The following IQCK variants were observed in gnomAD, a reference collection of about 807,000 sequenced individuals.
The protein encoded by IQCK is IQ motif containing K, also known as IQ domain-containing protein K.
In IQCK, 29 loss-of-function variants were observed where a neutral mutation model predicts 28.1. The observed-to-expected ratio is 1.03, with a 90% CI of 0.77 to 1.41. The LOEUF (loss-of-function observed/expected upper bound fraction) is 1.41, where lower values mean the gene tolerates loss of function less well. IQCK is among the 40% of genes most tolerant of loss of function. IQCK has a pLI of 0.00. For synonymous variants in IQCK, 113 were observed against 115.1 expected (o/e 0.98, Z 0.12); for missense variants, 359 against 314.7 (o/e 1.14, Z -1.07).
At chr16:19,826,865 G>T (rs2056156132) in intron 7 of IQCK, among the ~76,000 whole-genome samples, 161 bp from the exon 8 acceptor site, 1 of 152,136 alleles carries the variant, frequency 6.6e-6, no homozygotes, top group South Asian at 2.1e-4. Flanking sequence ...GCTCAAATAT[G>T]ATGTAAGCTC....
chr16:19,727,680 C>G (rs7206184), intron 1 of IQCK, among the ~76,000 whole-genome samples: 24,659 of 151,470 alleles, frequency 0.16, 2,154 homozygotes, highest in South Asian at 0.27. Context: ...CTTTTACACT[C>G]TACATAAGAC....
intron 6 of IQCK, among the ~76,000 whole-genome samples, chr16:19,772,035 G>C (rs1048036850): frequency 1.3e-5 from 2 of 152,154 alleles, no homozygotes; most frequent in Non-Finnish European, 2.9e-5. Flanking sequence ...CTCTGGAAAG[G>C]GGGTGGAGAA....
rs551388781 is a variant in IQCK at position 19,760,577 on chromosome 16, T to C, written c.475-3271T>C. Among the ~76,000 whole-genome samples, 5 of 152,348 alleles carry C rather than the reference T, an allele frequency of 3.3e-5. No homozygotes were observed. In the South Asian group the frequency reaches 8.3e-4, roughly 25 times the overall value. On this transcript the variant is annotated intron_variant, in intron 4 of 7. Transcript: ENST00000564186. ...GGCTTGGGAGTTATACTTCAACATA[T>C]GACTCTTGGGGTGATACAATTCAAC...
chr16:19,753,966 G>C (rs1347128259), intron 4 of IQCK, among the ~76,000 whole-genome samples: 1 of 152,028 alleles, frequency 6.6e-6, no homozygotes, highest in Non-Finnish European at 1.5e-5. Context: ...CACCTCCCCT[G>C]ACATCTCATC....
chr16:19,730,497 G>A lies in IQCK; in HGVS notation c.246+3G>A, dbSNP rs1597499202. 1 of 1,603,470 alleles carries A rather than the reference G, an allele frequency of 6.2e-7. No homozygotes were observed. The highest frequency in any genetic ancestry group is 1.3e-5 in the African/African-American group (1 of 74,586). On this transcript the variant is annotated splice_donor_region_variant and intron_variant, in intron 2 of 7. Transcript: ENST00000564186. ...TCAAACAGGAGCCTGTGATTACGGT[G>A]AGTATTACCTAGGCCTCAACCGAAG... is the stretch of plus-strand genomic sequence containing the variant.
At chr16:19,726,901 A>G (rs1021405810) in intron 1 of IQCK, among the ~76,000 whole-genome samples, 1 of 152,204 alleles carries the variant, frequency 6.6e-6, no homozygotes, top group African/African-American at 2.4e-5. Flanking sequence ...TGGGAGGCCA[A>G]GGTGGGCAGA....
At chr16:19,775,775 C>G (rs1205786872) in intron 6 of IQCK, among the ~76,000 whole-genome samples, 2 of 149,572 alleles carry the variant, frequency 1.3e-5, no homozygotes, top group African/African-American at 4.9e-5. Flanking sequence ...CTTTACAGAG[C>G]ATGGCTTCAA....
intron 6 of IQCK, among the ~76,000 whole-genome samples, chr16:19,770,031 C>T (rs1441891281): frequency 6.6e-6 from 1 of 152,134 alleles, no homozygotes; most frequent in Non-Finnish European, 1.5e-5. Flanking sequence ...ATGATGATTC[C>T]TGTCTGGGGC....
At chr16:19,746,186 ATTTC>A (rs2054909925) in intron 4 of IQCK, among the ~76,000 whole-genome samples, 1 of 122,598 alleles carries the variant, frequency 8.2e-6, no homozygotes, top group Non-Finnish European at 1.6e-5. Context: ...GTCTAGCTTC[ATTTC>A]TTTTTTTTTT....
chr16:19,823,358 T>C (rs2056101358), intron 7 of IQCK, among the ~76,000 whole-genome samples: 1 of 152,178 alleles, frequency 6.6e-6, no homozygotes, highest in African/African-American at 2.4e-5. Flanking sequence ...TTCTCTTAAA[T>C]GCTGGGTCCT....
intron 1 of IQCK, 77 bp downstream of exon 1, chr16:19,718,564 TGC>T (rs1359644916): frequency 7.5e-7 from 1 of 1,336,248 alleles, no homozygotes. Context: ...GCGCCCACTG[TGC>T]GCCTGTCGGC....
At chr16:19,746,224 C>T (rs1446967823) in intron 4 of IQCK, among the ~76,000 whole-genome samples, 1 of 146,320 alleles carries the variant, frequency 6.8e-6, no homozygotes, top group African/African-American at 2.5e-5. Flanking sequence ...GTGGGTACGT[C>T]GTAGATATAT....
intron 7 of IQCK, among the ~76,000 whole-genome samples, chr16:19,803,684 A>G (rs989150529): frequency 6.6e-6 from 1 of 152,156 alleles, no homozygotes; most frequent in African/African-American, 2.4e-5. Flanking sequence ...ACAAGGTCTT[A>G]GTTTGCTGTA....
intron 9 of IQCK, among the ~76,000 whole-genome samples, chr16:19,846,615 T>C (rs572867014): frequency 4.6e-5 from 7 of 152,334 alleles, no homozygotes; most frequent in African/African-American, 1.4e-4. Flanking sequence ...TTCAAGGCTG[T>C]CACGTTCTCC....
At chr16:19,833,711 A>G (rs570428965) in intron 9 of IQCK, among the ~76,000 whole-genome samples, 2 of 152,282 alleles carry the variant, frequency 1.3e-5, no homozygotes, top group African/African-American at 4.8e-5. Context: ...TTAGACCACA[A>G]TGACAAATCC....
At chr16:19,805,617 C>T (rs1473718838) in intron 7 of IQCK, among the ~76,000 whole-genome samples, 1 of 151,976 alleles carries the variant, frequency 6.6e-6, no homozygotes, top group African/African-American at 2.4e-5. Context: ...CACAATAATG[C>T]TGCATAACAA....
chr16:19,783,155 C>T (rs556738351), intron 6 of IQCK, among the ~76,000 whole-genome samples: 3 of 152,118 alleles, frequency 2.0e-5, no homozygotes, highest in African/African-American at 4.8e-5. Flanking sequence ...TCCGCCACTA[C>T]GCCCAGCTAA....
chr16:19,804,091 C>T lies in IQCK; in HGVS notation c.690+15169C>T, dbSNP rs181832106. Among the ~76,000 whole-genome samples, 782 of 152,266 alleles carry T rather than the reference C, an allele frequency of 5.1e-3. 2 individuals carry two copies. The highest frequency in any genetic ancestry group is 0.016 in the South Asian group (78 of 4,824). On this transcript the variant is annotated intron_variant, in intron 7 of 7. Coordinates refer to ENST00000564186, the Ensembl canonical transcript of IQCK. ...CTTTGCCAGGTGCGGCGGCTCACGCCTGTAATCCCAGCACTTTGGGAAGCC... is the reference window on the plus strand; with the variant it reads ...CTTTGCCAGGTGCGGCGGCTCACGCTTGTAATCCCAGCACTTTGGGAAGCC...
chr16:19,799,597 T>TAC (rs529119301), intron 7 of IQCK, among the ~76,000 whole-genome samples: 1,860 of 111,626 alleles, frequency 0.017, 38 homozygotes, highest in South Asian at 0.036. Context: ...TATATATATA[T>TAC]ACACACACAC....
Sources: gnomAD v4.1 joint callset for allele counts (sites outside exome capture counted in the v4.1 genomes callset) on GRCh38, gnomAD v4.1.1 for gene constraint, MANE v1.5 for transcripts, NCBI Gene and HGNC (gene_info 2026-07-23, HGNC 2026-07-21) for gene names.